ZCCHC4: variants seen among roughly 807,000 people sequenced by gnomAD.
The protein encoded by ZCCHC4 is rRNA N(6)-adenosine-methyltransferase ZCCHC4.
In ZCCHC4, 54 loss-of-function variants were observed where a neutral mutation model predicts 67.7. The observed-to-expected ratio is 0.80, with a 90% confidence interval of 0.64 to 1.00. ZCCHC4 has a LOEUF of 1.00. ZCCHC4 is among the 50% of genes least tolerant of loss of function. The pLI is 0.00. For synonymous variants in ZCCHC4, 198 were observed against 213.5 expected, an observed-to-expected ratio of 0.93 and a Z score of 0.63; for missense variants, 609 against 617.0, an observed-to-expected ratio of 0.99 and a Z score of 0.14.
chr4:25,315,508 T>C (rs1718211935), intron 3 of ZCCHC4, 108 bp downstream of exon 3: 2 of 765,300 alleles, frequency 2.6e-6, no homozygotes, highest in South Asian at 6.0e-5. Context: ...TTTATTGTAG[T>C]TACATATATA....
chr4:25,331,677 T>C (rs1719189594), intron 3 of ZCCHC4, among the ~76,000 whole-genome samples: 1 of 152,116 alleles, frequency 6.6e-6, no homozygotes, highest in African/African-American at 2.4e-5. Flanking sequence ...CGAAGAGTGT[T>C]TATTGGTTCT....
At chr4:25,313,007 G>A (rs1718037898) in intron 1 of ZCCHC4, 71 bp downstream of exon 1, 1 of 1,574,636 alleles carries the variant, frequency 6.4e-7, no homozygotes. Flanking sequence ...AGTGGCTTTT[G>A]GGGCTCCTGT....
chr4:25,334,668 C>A (rs1450648623), intron 5 of ZCCHC4, among the ~76,000 whole-genome samples: 1 of 152,120 alleles, frequency 6.6e-6, no homozygotes, highest in Non-Finnish European at 1.5e-5. Flanking sequence ...TAATTCTGTA[C>A]ATTTGAAGTA....
At chr4:25,347,263 T>C (rs946201992) in intron 6 of ZCCHC4, among the ~76,000 whole-genome samples, 1 of 152,238 alleles carries the variant, frequency 6.6e-6, no homozygotes, top group South Asian at 2.1e-4. Flanking sequence ...AAAATAAGGA[T>C]AAAATTAAAT....
At chr4:25,342,343 A>C (rs945851899) in intron 5 of ZCCHC4, among the ~76,000 whole-genome samples, 6 of 152,204 alleles carry the variant, frequency 3.9e-5, no homozygotes, top group Admixed American at 1.3e-4. Context: ...TTGGTGCCTT[A>C]CAACAGGTTT....
chr4:25,366,429 C>T (rs1209073136), intron 12 of ZCCHC4: 4 of 298,472 alleles, frequency 1.3e-5, no homozygotes, highest in Non-Finnish European at 2.0e-5. Flanking sequence ...CATTCTCCTG[C>T]CTCAGCCTCC....
Position 25,369,812 on chromosome 4 carries a change from A to G in ZCCHC4, c.*648A>G, listed in dbSNP as rs1250002782. On this transcript the variant is annotated 3_prime_UTR_variant, in exon 13 of 13. Transcript: ENST00000302874. ...GCAGAAGATGTCAGAAGAAAATGAA[A>G]GTGAAAACCTATGCAGTTTGTTTAC... 6.6e-6 allele frequency: 1 copy of G among 152,240 alleles called. No homozygotes were observed. The highest frequency in any genetic ancestry group is 1.5e-5 in the Non-Finnish European group (1 of 68,044). 9.4% of individuals were successfully genotyped at this position (152,240 alleles called of 1,614,324 possible).
In ZCCHC4 at chr4:25,333,921, A is replaced by T. The variant is rs766798413; in HGVS notation, c.619A>T (p.Ile207Phe). ...TAATTGCTTTAGGTTGCATGAGCTG[A>T]TCAAGTTGACAGCATCAGGTGACAA... ...CVGTPRLHEL[I>F]KLTASGDKKS... Residue 207 changes from isoleucine to phenylalanine, a missense_variant, in exon 5 of 13, where the codon ATC becomes TTC. By Grantham distance (21) the Ile-to-Phe change is conservative. Coordinates refer to ENST00000302874, the MANE Select transcript of ZCCHC4 (RefSeq NM_024936.3). 1 of 1,600,182 alleles carries T rather than the reference A, an allele frequency of 6.2e-7. No homozygotes were observed. Among genetic ancestry groups the T allele is most frequent in the East Asian group, 2.2e-5 (1 of 44,536 alleles).
chr4:25,339,525 C>T (rs1378672216), intron 5 of ZCCHC4, among the ~76,000 whole-genome samples: 1 of 152,160 alleles, frequency 6.6e-6, no homozygotes, highest in Non-Finnish European at 1.5e-5. Flanking sequence ...TAATGTTAAG[C>T]ATCTTTTCAT....
chr4:25,317,625 C>T (rs1042265798), intron 3 of ZCCHC4, among the ~76,000 whole-genome samples: 3 of 140,736 alleles, frequency 2.1e-5, no homozygotes, highest in South Asian at 2.2e-4. Context: ...ACAGGAGAAT[C>T]GCTTGAACCT....
chr4:25,364,758 G>C (rs143461909), intron 11 of ZCCHC4, among the ~76,000 whole-genome samples: 1 of 152,188 alleles, frequency 6.6e-6, no homozygotes, highest in East Asian at 1.9e-4. Flanking sequence ...GTGTCACTCA[G>C]CCAGCCTCCA....
At chr4:25,333,710 C>A (rs1188649892) in intron 4 of ZCCHC4, among the ~76,000 whole-genome samples, 198 bp from the exon 5 acceptor site, 1 of 152,136 alleles carries the variant, frequency 6.6e-6, no homozygotes, top group Non-Finnish European at 1.5e-5. Context: ...TAATTTTAGA[C>A]CTCTCTGTTT....
intron 10 of ZCCHC4, among the ~76,000 whole-genome samples, chr4:25,363,385 T>C (rs1220907159): frequency 6.6e-6 from 1 of 152,244 alleles, no homozygotes; most frequent in Non-Finnish European, 1.5e-5. Flanking sequence ...ATTCCTTTGA[T>C]GTACCACAAC....
rs1378333888 is a variant in ZCCHC4, at chr4:25,324,246, A to G, written c.329+8846A>G. Among the ~76,000 whole-genome samples the G allele has an allele frequency of 2.0e-5, 3 of 150,792 alleles. No homozygotes were observed. The East Asian group carries it at 5.9e-4, about 29-fold the overall frequency. On this transcript the variant is annotated intron_variant, in intron 3 of 12. Coordinates refer to ENST00000302874, the MANE Select transcript of ZCCHC4 (RefSeq NM_024936.3). ...TGGCCAGGATGGTCTCTATCTCCTG[A>G]CCTCATGATCTGCCTGCCTTGGCCT...
chr4:25,343,602 G>A (rs1051546640), intron 5 of ZCCHC4, among the ~76,000 whole-genome samples: 9 of 152,076 alleles, frequency 5.9e-5, no homozygotes, highest in Admixed American at 3.3e-4. Context: ...ACCATTTTAC[G>A]GATGAAGAAA....
Position 25,359,872 on chromosome 4 carries a change from C to T in ZCCHC4, c.1012-1987C>T, listed in dbSNP as rs1046255034. 3.9e-5 allele frequency among the ~76,000 whole-genome samples: 6 copies of T among 152,176 alleles called. No homozygotes were observed. The highest frequency in any genetic ancestry group is 7.3e-5 in the Non-Finnish European group (5 of 68,038). ...AGGGAACTGGCCGAGGTTTCCCTCC[C>T]GAGGAGGCCACATGTGAAATTAGCA... On this transcript the variant is annotated intron_variant, in intron 8 of 12. Transcript: ENST00000302874. The surrounding 1 kb of genome is among the most constrained non-coding windows in gnomAD (Gnocchi z 4.9).
At chr4:25,365,619 G>C in intron 12 of ZCCHC4, 1 of 985,844 alleles carries the variant, frequency 1.0e-6, no homozygotes, top group Non-Finnish European at 1.2e-6. Flanking sequence ...CTATTTCTTT[G>C]TATCAAATTT....
chr4:25,347,384 T>C (rs1300547573), intron 6 of ZCCHC4, among the ~76,000 whole-genome samples: 8 of 152,312 alleles, frequency 5.3e-5, no homozygotes, highest in African/African-American at 1.9e-4. Flanking sequence ...ACCTTATAAG[T>C]TTCTACAATA....
At chr4:25,324,781 G>T (rs1718773034) in intron 3 of ZCCHC4, among the ~76,000 whole-genome samples, 1 of 152,058 alleles carries the variant, frequency 6.6e-6, no homozygotes, top group African/African-American at 2.4e-5. Context: ...TTTAATTTGT[G>T]TTTATGACAT....
Sources: allele counts gnomAD v4.1 joint callset (sites outside exome capture counted in the v4.1 genomes callset), GRCh38; gene constraint gnomAD v4.1.1; non-coding constraint Gnocchi (gnomAD v3.1); transcripts MANE v1.5; gene names NCBI Gene and HGNC (gene_info 2026-07-23, HGNC 2026-07-21).